Variants in NKAIN2 observed in about 807,000 individuals in gnomAD.
NKAIN2 encodes sodium/potassium transporting ATPase interacting 2.
A neutral mutation model predicts 32.6 loss-of-function variants in NKAIN2; 14 were observed. The ratio of observed to expected loss-of-function variants is 0.43; its 90% CI spans 0.28 to 0.67. NKAIN2 has a LOEUF of 0.67. Among genes scored for constraint, NKAIN2 ranks in the 30% least tolerant of loss-of-function variants. The pLI is 0.17. For missense variants in NKAIN2, 198 were observed against 258.3 expected, an observed-to-expected ratio of 0.77 and a Z score of 1.60; for synonymous variants, 80 against 87.2, an observed-to-expected ratio of 0.92 and a Z score of 0.46.
chr6:124,391,593 A>T (rs9491154), intron 3 of NKAIN2, among the ~76,000 whole-genome samples: 1 of 152,022 alleles, frequency 6.6e-6, no homozygotes, highest in Admixed American at 6.6e-5. Context: ...GTCAGAACAC[A>T]CAAAGAGAGC....
chr6:124,091,038 A>C (rs1482272681), intron 1 of NKAIN2, among the ~76,000 whole-genome samples: 1 of 152,004 alleles, frequency 6.6e-6, no homozygotes, highest in Non-Finnish European at 1.5e-5. Context: ...TTTTAAGTAC[A>C]TTTTTGAATT....
intron 1 of NKAIN2, among the ~76,000 whole-genome samples, chr6:123,978,875 T>C (rs1304550994): frequency 6.6e-6 from 1 of 152,184 alleles, no homozygotes; most frequent in Non-Finnish European, 1.5e-5. Flanking sequence ...ACCTTCTTAA[T>C]CAAAGGTGAT....
intron 3 of NKAIN2, among the ~76,000 whole-genome samples, chr6:124,557,804 T>TG (rs1299594778): frequency 1.3e-5 from 2 of 152,226 alleles, no homozygotes; most frequent in Non-Finnish European, 2.9e-5. Flanking sequence ...AGAGGTTTTC[T>TG]GGTTAGAAAG....
At chr6:124,073,064 G>C (rs1275899120) in intron 1 of NKAIN2, among the ~76,000 whole-genome samples, 2 of 152,172 alleles carry the variant, frequency 1.3e-5, no homozygotes, top group African/African-American at 4.8e-5. Context: ...ACCCATGGAG[G>C]GAAGCAGGGT....
chr6:124,785,765 A>G (rs922048868), intron 4 of NKAIN2, among the ~76,000 whole-genome samples: 1 of 152,112 alleles, frequency 6.6e-6, no homozygotes, highest in Non-Finnish European at 1.5e-5. Context: ...CACTGATGCC[A>G]TGGGGGTGGC....
intron 1 of NKAIN2, among the ~76,000 whole-genome samples, chr6:124,018,244 A>G (rs1259384505): frequency 2.6e-5 from 4 of 152,092 alleles, no homozygotes; most frequent in Non-Finnish European, 5.9e-5. Context: ...AGGCTGCACA[A>G]AGTAGGGGGT....
chr6:124,244,435 G>T (rs184254964), intron 1 of NKAIN2, among the ~76,000 whole-genome samples: 1 of 151,672 alleles, frequency 6.6e-6, no homozygotes, highest in Non-Finnish European at 1.5e-5. Context: ...ATTTTTTATG[G>T]CTGCATAGTA....
At chr6:124,448,282 G>A (rs996821129) in intron 3 of NKAIN2, among the ~76,000 whole-genome samples, 8 of 152,030 alleles carry the variant, frequency 5.3e-5, no homozygotes, top group African/African-American at 1.9e-4. Flanking sequence ...GGATTTTATC[G>A]TGGCATGACC....
intron 1 of NKAIN2, among the ~76,000 whole-genome samples, chr6:123,983,605 T>C (rs1348633359): frequency 1.3e-5 from 2 of 152,182 alleles, no homozygotes; most frequent in Admixed American, 1.3e-4. Context: ...ATGGGTGGAC[T>C]ACTAAGGATT....
intron 4 of NKAIN2, among the ~76,000 whole-genome samples, chr6:124,721,932 TG>T (rs1327289705): frequency 1.3e-5 from 2 of 152,238 alleles, no homozygotes; most frequent in Admixed American, 6.5e-5. Context: ...GAACTTTTTT[TG>T]TCTGTAAAAC....
chr6:124,551,829 G>A (rs758624881), intron 3 of NKAIN2, among the ~76,000 whole-genome samples: 2 of 152,170 alleles, frequency 1.3e-5, no homozygotes, highest in African/African-American at 4.8e-5. Flanking sequence ...CAGGGATGTG[G>A]TTTAATTTTT....
chr6:124,137,154 A>G (rs1376464256), intron 1 of NKAIN2, among the ~76,000 whole-genome samples: 1 of 152,116 alleles, frequency 6.6e-6, no homozygotes, highest in Non-Finnish European at 1.5e-5. Flanking sequence ...AGTGAATTCA[A>G]TAAAATTTCA....
At chr6:124,272,780 G>A (rs1794854482) in intron 1 of NKAIN2, among the ~76,000 whole-genome samples, 1 of 152,190 alleles carries the variant, frequency 6.6e-6, no homozygotes, top group Non-Finnish European at 1.5e-5. Context: ...GTGCACAGGG[G>A]TAGAGCTTCC....
intron 4 of NKAIN2, among the ~76,000 whole-genome samples, chr6:124,758,984 C>T (rs1345315696): frequency 6.6e-6 from 1 of 152,140 alleles, no homozygotes; most frequent in Non-Finnish European, 1.5e-5. Flanking sequence ...ATATTGCCTA[C>T]TATAACAATA....
intron 3 of NKAIN2, among the ~76,000 whole-genome samples, chr6:124,414,083 G>A (rs1774349860): frequency 6.6e-6 from 1 of 151,792 alleles, no homozygotes; most frequent in African/African-American, 2.4e-5. Flanking sequence ...TAAGAATGCT[G>A]AGAGTAGATA....
chr6:124,621,743 T>C (rs2114258356), intron 3 of NKAIN2, among the ~76,000 whole-genome samples: 1 of 152,266 alleles, frequency 6.6e-6, no homozygotes. Context: ...CAATAGAGAA[T>C]TTGACAAATT....
intron 1 of NKAIN2, among the ~76,000 whole-genome samples, chr6:124,125,337 G>GTAGTGGCCATTACTCTGTTCCTCTTT (rs1291823955): frequency 6.6e-6 from 1 of 152,076 alleles, no homozygotes; most frequent in Non-Finnish European, 1.5e-5. Context: ...AACATTGTCT[G>GTAGTGGCCATTACTCTGTTCCTCTTT]TAGTGGCCAT....
intron 3 of NKAIN2, among the ~76,000 whole-genome samples, chr6:124,366,331 A>G (rs1197796070): frequency 1.3e-5 from 2 of 152,114 alleles, no homozygotes; most frequent in African/African-American, 2.4e-5. Context: ...AAGCCAATAT[A>G]TTTGCAATCA....
chr6:123,921,080 A>C (rs1392821512), intron 1 of NKAIN2, among the ~76,000 whole-genome samples: 1 of 152,190 alleles, frequency 6.6e-6, no homozygotes, highest in Non-Finnish European at 1.5e-5. Flanking sequence ...TGGAAATAAG[A>C]GTGGAATATC....
Sources: allele counts gnomAD v4.1 joint callset (sites outside exome capture counted in the v4.1 genomes callset), GRCh38; gene constraint gnomAD v4.1.1; transcripts MANE v1.5; gene names NCBI Gene and HGNC (gene_info 2026-07-23, HGNC 2026-07-21).